LUZP1: variants seen among roughly 807,000 people sequenced by gnomAD.
LUZP1 encodes the protein leucine zipper protein 1.
A neutral mutation model predicts 71.3 loss-of-function variants in LUZP1; 25 were observed. That is an observed-to-expected ratio of 0.35 (90% confidence interval 0.26 to 0.49). The LOEUF (loss-of-function observed/expected upper bound fraction) is 0.49. LUZP1 is among the 20% of genes least tolerant of loss of function. LUZP1 has a pLI of 0.99. For missense variants in LUZP1, 1,142 were observed against 1,300.8 expected (o/e 0.88, Z 1.88); for synonymous variants, 481 against 506.4 (o/e 0.95, Z 0.67).
chr1:23,090,180 G>A (rs10917349), intron 4 of LUZP1, among the ~76,000 whole-genome samples: 6,170 of 152,190 alleles, frequency 0.041, 424 homozygotes, highest in African/African-American at 0.14. Context: ...CAGGAATCTT[G>A]GATTCAAGTC....
At chr1:23,119,951 T>C (rs1005521410) in intron 2 of LUZP1, among the ~76,000 whole-genome samples, 7 of 152,086 alleles carry the variant, frequency 4.6e-5, no homozygotes, top group African/African-American at 1.4e-4. Flanking sequence ...GTAGTTTTTT[T>C]TTTTTTTAAA....
At chr1:23,125,585 C>T (rs1177925836) in intron 2 of LUZP1, among the ~76,000 whole-genome samples, 1 of 152,144 alleles carries the variant, frequency 6.6e-6, no homozygotes, top group Non-Finnish European at 1.5e-5. Flanking sequence ...GCACATCAGT[C>T]TATACAGCCA....
chr1:23,143,589 T>C (rs1020006961), intron 2 of LUZP1, among the ~76,000 whole-genome samples: 3 of 152,192 alleles, frequency 2.0e-5, no homozygotes, highest in African/African-American at 7.2e-5. Flanking sequence ...CCCTCTAGGA[T>C]TGTTATGCTG....
rs573907442 is a variant in LUZP1, at chr1:23,168,081, G to C, written c.-226+685C>G. ...GAATTCCTTCCCGGCCCAGCGGTCT[G>C]GCTGCGAGACCAGCAGAGCGCCCGG... On this transcript the variant is annotated intron_variant, in intron 2 of 4. Coordinates refer to ENST00000302291, the Ensembl canonical transcript of LUZP1. 6.7e-3 allele frequency among the ~76,000 whole-genome samples: 1,006 copies of C among 149,942 alleles called. 11 individuals are homozygous for C. Among genetic ancestry groups the C allele is most frequent in the Non-Finnish European group, 0.01 (676 of 67,324 alleles).
chr1:23,091,372 C>T (rs769227184), exon 4 of LUZP1: 16 of 1,614,072 alleles, frequency 9.9e-6, no homozygotes, highest in East Asian at 2.2e-5. Context: ...CTGGGCTGTT[C>T]GAGTTCTGAG....
chr1:23,087,399 T>C (rs998319634), exon 5 of LUZP1: 3 of 152,216 alleles, frequency 2.0e-5, no homozygotes, highest in African/African-American at 7.2e-5. Flanking sequence ...AACCTTAGAA[T>C]ACCAGATTTG....
At chr1:23,173,826 G>A (rs1488395025) in intron 1 of LUZP1, among the ~76,000 whole-genome samples, 2 of 152,072 alleles carry the variant, frequency 1.3e-5, no homozygotes, top group African/African-American at 4.8e-5. Context: ...CCTTCGTGGG[G>A]TTCCAAGAAA....
In LUZP1 at chr1:23,115,821, C is replaced by T. The variant is rs943075604; in HGVS notation, c.-225-6694G>A. ...CCTCCCAAAGTGCTGGGATTACAGG[C>T]GTGAACCACCACGCCCGGCCCTGCT... On this transcript the variant is annotated intron_variant, in intron 2 of 4. Transcript: ENST00000302291. 7.9e-5 allele frequency among the ~76,000 whole-genome samples: 12 copies of T among 152,140 alleles called. No individual in the cohort carries two copies. In the East Asian group the frequency reaches 1.4e-3, roughly 17 times the overall value.
intron 2 of LUZP1, among the ~76,000 whole-genome samples, chr1:23,157,140 C>A (rs1242557208): frequency 1.3e-5 from 2 of 152,222 alleles, no homozygotes; most frequent in Non-Finnish European, 2.9e-5. Context: ...GCAGACCAGC[C>A]TGGCAACATG....
In LUZP1 at chr1:23,092,080, T is replaced by C. The variant is rs200093429; in HGVS notation, c.2182A>G (p.Met728Val). Residue 728 changes from methionine to valine, a missense_variant, in exon 4 of 5, where the codon ATG becomes GTG. Coordinates refer to ENST00000302291, the Ensembl canonical transcript of LUZP1. Reference sequence around the variant, plus strand: ...GCACCATTGGTATCTGGGAGCTCCATGGTATTGGTGGAGGCTCTGACAGAT... The same window carrying C: ...GCACCATTGGTATCTGGGAGCTCCACGGTATTGGTGGAGGCTCTGACAGAT... 229 of 1,614,106 alleles carry C rather than the reference T, an allele frequency of 1.4e-4. 3 individuals are homozygous for C. The South Asian group carries it at 2.1e-3, about 15-fold the overall frequency.
chr1:23,134,078 T>A (rs1426467292), intron 2 of LUZP1, among the ~76,000 whole-genome samples: 1 of 152,222 alleles, frequency 6.6e-6, no homozygotes, highest in Non-Finnish European at 1.5e-5. Flanking sequence ...CATTTGTTTA[T>A]GAATAATTTA....
chr1:23,084,170 A>AGAT (rs1643719526), exon 5 of LUZP1: 1 of 152,208 alleles, frequency 6.6e-6, no homozygotes. Flanking sequence ...CTGGTTTAAC[A>AGAT]GATTGCCACA....
intron 2 of LUZP1, among the ~76,000 whole-genome samples, chr1:23,128,940 A>G (rs1241117850): frequency 6.6e-6 from 1 of 152,274 alleles, no homozygotes; most frequent in Non-Finnish European, 1.5e-5. Context: ...GCCAATAAAC[A>G]TTAACAGCAT....
Position 23,092,668 on chromosome 1 carries a change from C to G in LUZP1, c.1594G>C (p.Asp532His), listed in dbSNP as rs775093010. 3 of 1,614,058 alleles carry G rather than the reference C, an allele frequency of 1.9e-6. No homozygotes were observed. The highest frequency in any genetic ancestry group is 1.7e-6 in the Non-Finnish European group (2 of 1,180,028). Residue 532 changes from aspartate (D) to histidine (H), a missense_variant, in exon 4 of 5, where the codon GAC becomes CAC. Asp to His is a moderately conservative substitution (Grantham distance 81). Coordinates refer to ENST00000302291, the Ensembl canonical transcript of LUZP1. ...CCAAAGACAGTCTCAGAGGAGGTGT[C>G]AGAAGCCTTGTCAGCTCTACCCAAT...
intron 2 of LUZP1, among the ~76,000 whole-genome samples, chr1:23,117,951 G>A (rs1051230620): frequency 1.3e-5 from 2 of 152,028 alleles, no homozygotes; most frequent in African/African-American, 2.4e-5. Context: ...TTAGCCAGGC[G>A]TGGTGGCGTA....
chr1:23,160,195 A>G (rs1356644836), intron 2 of LUZP1, among the ~76,000 whole-genome samples: 1 of 152,260 alleles, frequency 6.6e-6, no homozygotes, highest in Admixed American at 6.5e-5. Context: ...AAATTGGCTT[A>G]TAGAACATTC....
exon 4 of LUZP1, chr1:23,091,529 G>A: frequency 6.2e-7 from 1 of 1,614,186 alleles, no homozygotes; most frequent in Non-Finnish European, 8.5e-7. Context: ...CATCTGAGAA[G>A]CCCACTTCTG....
intron 2 of LUZP1, among the ~76,000 whole-genome samples, chr1:23,135,400 T>C (rs910988702): frequency 3.3e-5 from 5 of 152,190 alleles, no homozygotes; most frequent in African/African-American, 1.2e-4. Context: ...TTCAAACCAT[T>C]TAATCAGCCT....
At chr1:23,153,266 C>G (rs967517684) in intron 2 of LUZP1, among the ~76,000 whole-genome samples, 1 of 152,188 alleles carries the variant, frequency 6.6e-6, no homozygotes, top group African/African-American at 2.4e-5. Context: ...ATCAATAATA[C>G]GTCTAATCTC....
Sources: allele counts gnomAD v4.1 joint callset (sites outside exome capture counted in the v4.1 genomes callset), GRCh38; gene constraint gnomAD v4.1.1; transcripts MANE v1.5; gene names NCBI Gene and HGNC (gene_info 2026-07-23, HGNC 2026-07-21).